The following GRM3 variants were observed in gnomAD, a reference collection of about 807,000 sequenced individuals.
The protein encoded by GRM3 is metabotropic glutamate receptor 3.
In GRM3, 26 loss-of-function variants were observed where a neutral mutation model predicts 70.5. That is an observed-to-expected ratio of 0.37 (90% CI 0.27 to 0.51). The LOEUF (loss-of-function observed/expected upper bound fraction) is 0.51. GRM3 is among the 20% of genes least tolerant of loss of function. The pLI is 0.93. For missense variants in GRM3, 859 were observed against 1,123.8 expected (o/e 0.76, Z 3.37); for synonymous variants, 443 against 434.9 (o/e 1.02, Z -0.23).
intron 2 of GRM3, among the ~76,000 whole-genome samples, chr7:86,774,183 T>C (rs1422443876): frequency 6.6e-6 from 1 of 152,162 alleles, no homozygotes; most frequent in African/African-American, 2.4e-5. Flanking sequence ...TGGATTGATA[T>C]GTACAATTTC....
At chr7:86,715,532 C>A (rs957019740) in intron 1 of GRM3, among the ~76,000 whole-genome samples, 2 of 151,992 alleles carry the variant, frequency 1.3e-5, no homozygotes, top group African/African-American at 4.8e-5. Context: ...ATCTCCCTTG[C>A]CAGGCTGGCA....
At chr7:86,673,739 C>T (rs1448766334) in intron 1 of GRM3, among the ~76,000 whole-genome samples, 1 of 152,076 alleles carries the variant, frequency 6.6e-6, no homozygotes, top group Non-Finnish European at 1.5e-5. Context: ...CAAACTGAAT[C>T]CATTCTCTCT....
chr7:86,820,054 C>T (rs1354252854), intron 3 of GRM3, among the ~76,000 whole-genome samples: 1 of 152,172 alleles, frequency 6.6e-6, no homozygotes, highest in African/African-American at 2.4e-5. Context: ...CAGACTTTTA[C>T]AAATTGAACC....
intron 1 of GRM3, among the ~76,000 whole-genome samples, chr7:86,742,531 C>T (rs1277850541): frequency 1.3e-5 from 2 of 151,698 alleles, no homozygotes; most frequent in African/African-American, 2.4e-5. Context: ...ATCTGCCATA[C>T]CAAGGAATAA....
intron 1 of GRM3, among the ~76,000 whole-genome samples, chr7:86,751,814 C>T (rs967769616): frequency 2.0e-5 from 3 of 152,090 alleles, no homozygotes. Context: ...TGAGGTATGG[C>T]ATCTCATCTT....
chr7:86,815,452 T>A (rs1187528258), intron 3 of GRM3, among the ~76,000 whole-genome samples: 1 of 151,872 alleles, frequency 6.6e-6, no homozygotes, highest in Non-Finnish European at 1.5e-5. Flanking sequence ...CCCTATAGAT[T>A]GTTAAGGAAA....
chr7:86,738,076 G>T (rs956589773), intron 1 of GRM3, among the ~76,000 whole-genome samples: 2 of 152,178 alleles, frequency 1.3e-5, no homozygotes, highest in Non-Finnish European at 2.9e-5. Context: ...GGCCCTGGTT[G>T]AATGACAAGG....
intron 1 of GRM3, among the ~76,000 whole-genome samples, chr7:86,713,531 T>C (rs1795246282): frequency 1.3e-5 from 2 of 150,144 alleles, no homozygotes; most frequent in Admixed American, 6.6e-5. Flanking sequence ...GCTCATGTTA[T>C]TGTCTCAGTC....
intron 1 of GRM3, among the ~76,000 whole-genome samples, chr7:86,713,962 A>T (rs1008806857): frequency 2.6e-5 from 4 of 151,952 alleles, no homozygotes; most frequent in African/African-American, 9.7e-5. Flanking sequence ...GTAGGATGTG[A>T]CAGGGACACT....
intron 3 of GRM3, among the ~76,000 whole-genome samples, chr7:86,799,780 G>C (rs1373927827): frequency 6.6e-6 from 1 of 152,020 alleles, no homozygotes; most frequent in African/African-American, 2.4e-5. Context: ...CTGCCTGCCT[G>C]GGCCTCCCAA....
At chr7:86,793,328 C>T (rs1797469087) in intron 3 of GRM3, among the ~76,000 whole-genome samples, 1 of 152,154 alleles carries the variant, frequency 6.6e-6, no homozygotes, top group Non-Finnish European at 1.5e-5. Context: ...CCCAGCAAGG[C>T]TCTCCTCTTG....
intron 2 of GRM3, among the ~76,000 whole-genome samples, chr7:86,785,043 T>C (rs1012291390): frequency 6.6e-6 from 1 of 152,244 alleles, no homozygotes; most frequent in Admixed American, 6.5e-5. Flanking sequence ...CAGCTGCCTA[T>C]TTCAAGCTGT....
chr7:86,680,546 T>C (rs1794417984), intron 1 of GRM3, among the ~76,000 whole-genome samples: 1 of 152,152 alleles, frequency 6.6e-6, no homozygotes, highest in Non-Finnish European at 1.5e-5. Context: ...GGGTTTTCTC[T>C]TCCCATTTTA....
intron 1 of GRM3, among the ~76,000 whole-genome samples, chr7:86,737,072 C>T (rs1046656152): frequency 2.6e-5 from 4 of 151,784 alleles, no homozygotes; most frequent in Admixed American, 6.6e-5. Flanking sequence ...TTGGTATGAT[C>T]GCTTTATAAA....
intron 3 of GRM3, among the ~76,000 whole-genome samples, chr7:86,804,562 A>G (rs1432862836): frequency 6.6e-6 from 1 of 152,044 alleles, no homozygotes; most frequent in African/African-American, 2.4e-5. Context: ...GCTGCCCATC[A>G]CCACGTCCAG....
Position 86,765,389 on chromosome 7 carries a change from G to C in GRM3, c.244G>C (p.Asp82His). 1.2e-6 allele frequency: 2 copies of C among 1,613,960 alleles called. No homozygotes were observed. Among genetic ancestry groups the C allele is most frequent in the Non-Finnish European group, 1.7e-6 (2 of 1,179,892 alleles). ...MLFAIDEINK[D>H]DYLLPGVKLG... is the part of the protein sequence containing the mutation. ...GTTTGCTATTGATGAAATCAACAAA[G>C]ATGATTACTTGCTACCAGGAGTGAA... Residue 82 changes from aspartate to histidine, a missense_variant, in exon 2 of 6, where the codon GAT (aspartate) becomes CAT (histidine). By Grantham distance (81) the Asp-to-His change is moderately conservative (BLOSUM62 -1). Coordinates refer to ENST00000361669, the MANE Select transcript of GRM3 (RefSeq NM_000840.3).
intron 3 of GRM3, among the ~76,000 whole-genome samples, chr7:86,828,095 GAGC>G (rs1798277799): frequency 8.3e-6 from 1 of 120,456 alleles, no homozygotes; most frequent in Non-Finnish European, 1.6e-5. Flanking sequence ...CTGGGCGACT[GAGC>G]AGAACTCCGT....
At chr7:86,776,100 A>C (rs1302685057) in intron 2 of GRM3, 1 of 152,184 alleles carries the variant, frequency 6.6e-6, no homozygotes, top group Non-Finnish European at 1.5e-5. Flanking sequence ...AGTTTGCTGA[A>C]TGAGTGATGA....
At chr7:86,811,409 C>T (rs965924783) in intron 3 of GRM3, among the ~76,000 whole-genome samples, 3 of 151,802 alleles carry the variant, frequency 2.0e-5, no homozygotes, top group Non-Finnish European at 4.4e-5. Flanking sequence ...TGTTTTTCTC[C>T]ATCCTAGGTG....
Sources: allele counts gnomAD v4.1 joint callset (sites outside exome capture counted in the v4.1 genomes callset), GRCh38; gene constraint gnomAD v4.1.1; transcripts MANE v1.5; gene names NCBI Gene and HGNC (gene_info 2026-07-23, HGNC 2026-07-21).